Variants in TUSC3 observed in about 807,000 individuals in gnomAD.
TUSC3 encodes dolichyl-diphosphooligosaccharide--protein glycosyltransferase subunit TUSC3.
In TUSC3, 45 loss-of-function variants were observed where a neutral mutation model predicts 44.8. The ratio of observed to expected loss-of-function variants is 1.00; its 90% CI spans 0.79 to 1.29. The LOEUF (loss-of-function observed/expected upper bound fraction) is 1.29. TUSC3 is among the 50% of genes most tolerant of loss of function. The probability of loss-of-function intolerance (pLI) is 0.00; values close to 1 mark genes in which losing one functional copy is unlikely to be tolerated. For missense variants in TUSC3, 519 were observed against 437.9 expected (o/e 1.19, Z -1.65); for synonymous variants, 212 against 152.9 (o/e 1.39, Z -2.85).
At chr8:15,671,466 T>A (rs1017693391) in intron 5 of TUSC3, among the ~76,000 whole-genome samples, 8 of 152,010 alleles carry the variant, frequency 5.3e-5, no homozygotes, top group African/African-American at 1.9e-4. Context: ...ACCTAGGCTA[T>A]TTTGCATTTT....
the TUSC3 span, among the ~76,000 whole-genome samples, chr8:15,847,486 C>T: frequency 0.013 from 1,942 of 152,194 alleles, 35 homozygotes; most frequent in African/African-American, 0.044. Context: ...TGACTGGGCT[C>T]CTGTTCTTCT....
intron 6 of TUSC3, among the ~76,000 whole-genome samples, chr8:15,713,327 T>C (rs1809933392): frequency 2.0e-5 from 3 of 152,290 alleles, no homozygotes; most frequent in African/African-American, 4.8e-5. Flanking sequence ...ATTTACATGC[T>C]TGTAAGCATT....
intron 1 of TUSC3, among the ~76,000 whole-genome samples, chr8:15,581,815 G>A (rs1181047596): frequency 7.6e-6 from 1 of 131,498 alleles, no homozygotes; most frequent in African/African-American, 3.3e-5. Flanking sequence ...ACAGAGGCAG[G>A]CAGGCCTCCT....
At chr8:15,621,250 T>C (rs2129163421) in intron 1 of TUSC3, among the ~76,000 whole-genome samples, 1 of 151,840 alleles carries the variant, frequency 6.6e-6, no homozygotes, top group Admixed American at 6.6e-5. Flanking sequence ...TCATTGTGTG[T>C]ATTGGTAAAT....
At chr8:15,845,520 G>C in the TUSC3 span, among the ~76,000 whole-genome samples, 3 of 152,212 alleles carry the variant, frequency 2.0e-5, no homozygotes, top group Admixed American at 6.5e-5. Context: ...ACATTGTCTT[G>C]AGTCTAAAAC....
chr8:15,470,223 C>T (rs1412343004), intron 1 of TUSC3, among the ~76,000 whole-genome samples: 3 of 147,272 alleles, frequency 2.0e-5, no homozygotes, highest in African/African-American at 7.6e-5. Flanking sequence ...TGCACCACTA[C>T]ACTCCAGCCT....
chr8:15,797,637 T>A, the TUSC3 span, among the ~76,000 whole-genome samples: 1 of 152,182 alleles, frequency 6.6e-6, no homozygotes, highest in Non-Finnish European at 1.5e-5. Flanking sequence ...GACCTGCTCC[T>A]TGTGGCAAAT....
chr8:15,476,706 G>A lies in TUSC3; in HGVS notation n.92-6680G>A, dbSNP rs141202309. Among the ~76,000 whole-genome samples, 234 of 152,316 alleles carry A rather than the reference G, an allele frequency of 1.5e-3. 2 individuals carry two copies. Among genetic ancestry groups the A allele is most frequent in the South Asian group, 0.012 (58 of 4,830 alleles). On this transcript the variant is annotated intron_variant and non_coding_transcript_variant, in intron 1 of 5. Transcript: ENST00000503191. ...AACAAAAGTACCCTCCACAGGGTGG[G>A]AGCAGGCCCGAGCATAGGGGCTCAA...
intron 1 of TUSC3, among the ~76,000 whole-genome samples, chr8:15,614,544 T>A (rs1804905434): frequency 6.6e-6 from 1 of 152,176 alleles, no homozygotes; most frequent in Non-Finnish European, 1.5e-5. Context: ...GAGAATAAAA[T>A]GTGTGGTCTG....
downstream of TUSC3, among the ~76,000 whole-genome samples, chr8:15,768,928 G>A (rs1812395480): frequency 6.6e-6 from 1 of 152,068 alleles, no homozygotes; most frequent in African/African-American, 2.4e-5. Flanking sequence ...GGAAATAAGA[G>A]AGGACACAAA....
At chr8:15,743,760 G>A (rs1811293636) in intron 8 of TUSC3, 148 bp downstream of exon 8, 1 of 890,642 alleles carries the variant, frequency 1.1e-6, no homozygotes, top group East Asian at 2.5e-5. Context: ...TCTATTGCTG[G>A]GATGTGTTCA....
intron 1 of TUSC3, among the ~76,000 whole-genome samples, chr8:15,613,575 T>C (rs1190495523): frequency 6.6e-6 from 1 of 152,188 alleles, no homozygotes; most frequent in Non-Finnish European, 1.5e-5. Context: ...CCCTTTGCTG[T>C]TCTTCGTCTT....
intron 6 of TUSC3, among the ~76,000 whole-genome samples, chr8:15,705,540 C>T (rs1470226039): frequency 6.6e-6 from 1 of 151,936 alleles, no homozygotes; most frequent in Non-Finnish European, 1.5e-5. Flanking sequence ...GGTAATATGT[C>T]AGAGCTACAA....
At chr8:15,792,870 C>T in the TUSC3 span, among the ~76,000 whole-genome samples, 89 of 152,142 alleles carry the variant, frequency 5.8e-4, no homozygotes, top group Non-Finnish European at 2.5e-4. Flanking sequence ...CCACCTGCCT[C>T]GGCCTCCCAA....
chr8:15,628,245 T>C (rs1238276515), intron 2 of TUSC3, among the ~76,000 whole-genome samples: 1 of 152,182 alleles, frequency 6.6e-6, no homozygotes, highest in Non-Finnish European at 1.5e-5. Flanking sequence ...TATTTTATTA[T>C]CTAAGTATTT....
chr8:15,536,849 G>C (rs537239307), upstream of TUSC3, among the ~76,000 whole-genome samples: 59 of 152,034 alleles, frequency 3.9e-4, no homozygotes, highest in African/African-American at 1.4e-3. Context: ...TGTCTGGGGA[G>C]TCATGCCCTA....
At chr8:15,528,078 G>T (rs1801399575) in intron 2 of TUSC3, among the ~76,000 whole-genome samples, 1 of 151,978 alleles carries the variant, frequency 6.6e-6, no homozygotes, top group Non-Finnish European at 1.5e-5. Context: ...ACTCTTACAG[G>T]AAACCAGCTG....
intron 10 of TUSC3, among the ~76,000 whole-genome samples, chr8:15,762,338 A>G (rs1416879492): frequency 1.3e-5 from 2 of 152,082 alleles, no homozygotes; most frequent in Non-Finnish European, 2.9e-5. Context: ...ATATATATTT[A>G]TCATTTCATA....
intron 2 of TUSC3, among the ~76,000 whole-genome samples, chr8:15,629,003 G>A (rs983996684): frequency 3.9e-5 from 6 of 152,236 alleles, no homozygotes; most frequent in African/African-American, 1.4e-4. Flanking sequence ...ATTTCCACAA[G>A]GGTGAAGAAC....
Sources: allele counts gnomAD v4.1 joint callset (sites outside exome capture counted in the v4.1 genomes callset), GRCh38; gene constraint gnomAD v4.1.1; transcripts MANE v1.5; gene names NCBI Gene and HGNC (gene_info 2026-07-23, HGNC 2026-07-21).